The following CCSER1 variants were observed in gnomAD, a reference collection of about 807,000 sequenced individuals.
The protein encoded by CCSER1 is coiled-coil serine rich protein 1, also known as serine-rich coiled-coil domain-containing protein 1.
CCSER1 carries 41 observed loss-of-function variants against 82.0 expected under a neutral mutation model. The ratio of observed to expected loss-of-function variants is 0.50; its 90% confidence interval spans 0.39 to 0.65. The LOEUF (loss-of-function observed/expected upper bound fraction) is 0.65, where lower values mean the gene tolerates loss of function less well. CCSER1 is among the 30% of genes least tolerant of loss of function. The pLI, the probability that CCSER1 is intolerant of heterozygous loss-of-function variation, is 0.00. For synonymous variants in CCSER1, 414 were observed against 383.9 expected, an observed-to-expected ratio of 1.08 and a Z score of -0.92; for missense variants, 1,119 against 1,064.2, an observed-to-expected ratio of 1.05 and a Z score of -0.72.
At chr4:90,268,349 C>T (rs2153452261) in intron 1 of CCSER1, among the ~76,000 whole-genome samples, 1 of 152,090 alleles carries the variant, frequency 6.6e-6, no homozygotes, top group African/African-American at 2.4e-5. Flanking sequence ...CAATTTCAGA[C>T]ATGGATAGTA....
At chr4:91,034,961 A>G (rs1368311028) in intron 9 of CCSER1, among the ~76,000 whole-genome samples, 1 of 152,184 alleles carries the variant, frequency 6.6e-6, no homozygotes, top group East Asian at 1.9e-4. Context: ...CTTCATGATG[A>G]CAAAGCCTGG....
At chr4:90,448,615 A>T (rs527732570) in intron 4 of CCSER1, among the ~76,000 whole-genome samples, 22 of 151,824 alleles carry the variant, frequency 1.4e-4, no homozygotes, top group African/African-American at 5.1e-4. Flanking sequence ...TGGACAAATC[A>T]TTGTGGCACT....
intron 10 of CCSER1, among the ~76,000 whole-genome samples, chr4:91,214,319 A>G (rs1434371553): frequency 6.6e-6 from 1 of 152,192 alleles, no homozygotes; most frequent in East Asian, 1.9e-4. Context: ...TTGTTTTTGT[A>G]ATAGGTTACT....
intron 10 of CCSER1, among the ~76,000 whole-genome samples, chr4:91,113,891 C>T (rs1014115588): frequency 5.3e-5 from 8 of 150,528 alleles, no homozygotes; most frequent in Admixed American, 2.7e-4. Flanking sequence ...CTCGCTCTGT[C>T]GCTCAGGCTG....
intron 10 of CCSER1, among the ~76,000 whole-genome samples, chr4:91,282,822 C>T (rs951132192): frequency 6.6e-6 from 1 of 152,028 alleles, no homozygotes; most frequent in Non-Finnish European, 1.5e-5. Context: ...ATTTAGCTAT[C>T]CTTAAAAACT....
At chr4:91,441,932 TCAAGGAGAACTA>T (rs1395242742) in intron 10 of CCSER1, among the ~76,000 whole-genome samples, 9 of 152,080 alleles carry the variant, frequency 5.9e-5, no homozygotes, top group African/African-American at 2.2e-4. Context: ...AAGGACCTCT[TCAAGGAGAACTA>T]CAAACCACTG....
At chr4:91,290,955 C>T (rs1358224219) in intron 10 of CCSER1, among the ~76,000 whole-genome samples, 1 of 151,682 alleles carries the variant, frequency 6.6e-6, no homozygotes, top group Non-Finnish European at 1.5e-5. Flanking sequence ...AATGAGCTAA[C>T]TAGTAAATTA....
intron 8 of CCSER1, among the ~76,000 whole-genome samples, chr4:90,904,415 C>T (rs2150162207): frequency 6.6e-6 from 1 of 152,230 alleles, no homozygotes; most frequent in Middle Eastern, 3.4e-3. Flanking sequence ...CCATTGTTTG[C>T]TCTCAAGCTT....
intron 10 of CCSER1, among the ~76,000 whole-genome samples, chr4:91,462,847 A>G (rs1266275543): frequency 1.3e-5 from 2 of 152,132 alleles, no homozygotes; most frequent in African/African-American, 4.8e-5. Context: ...GAGTAGGTAA[A>G]CAAAGTGGCC....
At chr4:90,894,446 A>G (rs764773248) in intron 8 of CCSER1, among the ~76,000 whole-genome samples, 41 of 152,102 alleles carry the variant, frequency 2.7e-4, no homozygotes, top group East Asian at 1.9e-4. Flanking sequence ...GGCAACAAAT[A>G]CTGTAAGACA....
intron 8 of CCSER1, among the ~76,000 whole-genome samples, chr4:90,875,041 A>G (rs960411090): frequency 6.6e-6 from 1 of 152,070 alleles, no homozygotes; most frequent in East Asian, 1.9e-4. Flanking sequence ...GCGAGACTCC[A>G]TCTCAAAAAA....
At position 91,192,529 on chromosome 4, in the gene CCSER1, G is replaced by A. The variant is rs115751585; in HGVS notation, c.2217+106535G>A. Reference sequence around the variant, plus strand: ...GATGTTATGTTCTCATTTACTGAGAGTTGTCAAATGCTCTCTTTCCTTTTT... The same window carrying A: ...GATGTTATGTTCTCATTTACTGAGAATTGTCAAATGCTCTCTTTCCTTTTT... On this transcript the variant is annotated intron_variant, in intron 10 of 10. Coordinates refer to ENST00000509176, the MANE Select transcript of CCSER1 (RefSeq NM_001145065.2). Among the ~76,000 whole-genome samples, 749 of 152,272 alleles carry A rather than the reference G, an allele frequency of 4.9e-3. 6 individuals are homozygous for A. Among genetic ancestry groups the A allele is most frequent in the African/African-American group, 0.017 (706 of 41,564 alleles).
At chr4:90,507,381 G>A (rs147144639) in intron 5 of CCSER1, among the ~76,000 whole-genome samples, 150 of 150,714 alleles carry the variant, frequency 1.0e-3, no homozygotes, top group East Asian at 9.2e-3. Context: ...ACTTTATACC[G>A]TCTAAACATT....
intron 7 of CCSER1, among the ~76,000 whole-genome samples, chr4:90,791,603 CACTTTGGG>C (rs1025641256): frequency 1.6e-4 from 25 of 152,096 alleles, no homozygotes; most frequent in African/African-American, 5.8e-4. Context: ...GTAATCCCAG[CACTTTGGG>C]AGGCCAAGGC....
chr4:91,203,218 G>A (rs771393076), intron 10 of CCSER1, among the ~76,000 whole-genome samples: 21 of 151,936 alleles, frequency 1.4e-4, no homozygotes, highest in Middle Eastern at 3.4e-3. Flanking sequence ...TCTCAATGTG[G>A]TTTTGATTTC....
At chr4:90,487,055 G>A (rs1190030625) in intron 5 of CCSER1, among the ~76,000 whole-genome samples, 1 of 152,092 alleles carries the variant, frequency 6.6e-6, no homozygotes, top group Non-Finnish European at 1.5e-5. Context: ...GGGATTACAG[G>A]GGCCCACCAC....
intron 6 of CCSER1, among the ~76,000 whole-genome samples, chr4:90,688,910 C>T (rs986612935): frequency 2.6e-5 from 4 of 151,978 alleles, no homozygotes; most frequent in Non-Finnish European, 5.9e-5. Flanking sequence ...TATTTTCATA[C>T]TGTCATGCTA....
intron 9 of CCSER1, among the ~76,000 whole-genome samples, chr4:90,958,172 T>C (rs1369284240): frequency 2.0e-5 from 3 of 152,162 alleles, no homozygotes; most frequent in Admixed American, 2.0e-4. Context: ...GAATTAGAAA[T>C]AATCCTTCTT....
At chr4:91,443,872 A>G (rs1488677804) in intron 10 of CCSER1, among the ~76,000 whole-genome samples, 1 of 151,554 alleles carries the variant, frequency 6.6e-6, no homozygotes, top group Admixed American at 6.6e-5. Context: ...ATTTGTCCAA[A>G]TACTTGAAGA....
Sources: gnomAD v4.1 joint callset for allele counts (sites outside exome capture counted in the v4.1 genomes callset) on GRCh38, gnomAD v4.1.1 for gene constraint, MANE v1.5 for transcripts, NCBI Gene and HGNC (gene_info 2026-07-23, HGNC 2026-07-21) for gene names.